The following MYO6 variants were observed in gnomAD, a reference collection of about 807,000 sequenced individuals.
The protein encoded by MYO6 is myosin VI.
A neutral mutation model predicts 178.7 loss-of-function variants in MYO6; 74 were observed. The observed-to-expected ratio is 0.41, with a 90% confidence interval of 0.34 to 0.50. The LOEUF is 0.50. Ranked by LOEUF, MYO6 falls within the 20% of genes least tolerant of loss-of-function variation. MYO6 has a pLI of 0.09. For missense variants in MYO6, 1,330 were observed against 1,547.4 expected (o/e 0.86, Z 2.36); for synonymous variants, 477 against 504.6 (o/e 0.95, Z 0.73).
At chr6:75,864,990 C>T (rs976778571) in intron 16 of MYO6, among the ~76,000 whole-genome samples, 2 of 152,262 alleles carry the variant, frequency 1.3e-5, no homozygotes, top group South Asian at 2.1e-4. Context: ...GCTGCAGAGC[C>T]GGCACTCTGA....
intron 1 of MYO6, among the ~76,000 whole-genome samples, chr6:75,761,139 A>C (rs1187063138): frequency 6.6e-6 from 1 of 152,224 alleles, no homozygotes; most frequent in Non-Finnish European, 1.5e-5. Context: ...AAGAACGAAG[A>C]AAATACTTTA....
At position 75,867,046 on chromosome 6, in the gene MYO6, A is replaced by AT; in HGVS notation, c.1885_1886insT (p.Lys629IlefsTer4). The AT allele has an allele frequency of 6.2e-7, 1 of 1,614,014 alleles. No individual in the cohort carries two copies. Among genetic ancestry groups the AT allele is most frequent in the Non-Finnish European group, 8.5e-7 (1 of 1,179,926 alleles). On this transcript the variant is annotated frameshift_variant, in exon 18 of 35. Coordinates refer to ENST00000369977, the MANE Select transcript of MYO6 (RefSeq NM_004999.4). LOFTEE classifies it high-confidence loss of function. ...ATTTGAATCATCCACAAATAACAAC[A>AT]AAGATACTAAACAAAAAGCAGGAAA...
At chr6:75,814,651 C>G (rs982611015) in intron 1 of MYO6, among the ~76,000 whole-genome samples, 2 of 152,018 alleles carry the variant, frequency 1.3e-5, no homozygotes, top group African/African-American at 4.8e-5. Flanking sequence ...TGCTTGAGCC[C>G]AGGAGTTCGA....
At chr6:75,877,632 TTTC>T (rs1777669055) in intron 20 of MYO6, among the ~76,000 whole-genome samples, 1 of 151,778 alleles carries the variant, frequency 6.6e-6, no homozygotes, top group South Asian at 2.1e-4. Flanking sequence ...GAAGGCAAGT[TTTC>T]TTCTTCTGTA....
At chr6:75,804,138 C>T (rs1486141108) in intron 1 of MYO6, among the ~76,000 whole-genome samples, 1 of 152,188 alleles carries the variant, frequency 6.6e-6, no homozygotes. Flanking sequence ...AAGTAATCCT[C>T]CTGCCTTGGG....
In MYO6 at chr6:75,776,653, A is replaced by AGTGTGTGTGTGTGT. The variant is rs35830759; in HGVS notation, c.-48+27247_-48+27260dup. Reference sequence around the variant, plus strand: ...CATTTTTAGTCTTGTAGAAACGTGCAGTGTGTGTGTGTGTGTGTGTGTGTG... The same window carrying AGTGTGTGTGTGTGT: ...CATTTTTAGTCTTGTAGAAACGTGCAGTGTGTGTGTGTGTGTGTGTGTGTGTGTGTGTGTGTGTG... On this transcript the variant is annotated intron_variant, in intron 1 of 34. Coordinates refer to ENST00000369977, the MANE Select transcript of MYO6 (RefSeq NM_004999.4). Among the ~76,000 whole-genome samples, 341 of 144,754 alleles carry AGTGTGTGTGTGTGT rather than the reference A, an allele frequency of 2.4e-3. 1 individual carries two copies. The highest frequency in any genetic ancestry group is 8.3e-3 in the African/African-American group (327 of 39,504). The allele number at this position is 144,754 out of a possible 152,430, so 95.0% of individuals were successfully genotyped here.
At chr6:75,787,109 C>T (rs1440727402) in intron 1 of MYO6, among the ~76,000 whole-genome samples, 1 of 152,104 alleles carries the variant, frequency 6.6e-6, no homozygotes, top group African/African-American at 2.4e-5. Flanking sequence ...TGTAAAGATG[C>T]CTATGCAATG....
intron 23 of MYO6, among the ~76,000 whole-genome samples, chr6:75,884,591 G>C (rs1283960613): frequency 6.6e-6 from 1 of 152,212 alleles, no homozygotes; most frequent in Admixed American, 6.5e-5. Flanking sequence ...AGAGTCGGCT[G>C]TACGGGACAC....
chr6:75,890,057 T>A lies in MYO6; in HGVS notation c.2659T>A (p.Ser887Thr), dbSNP rs1409939234. 4.4e-6 allele frequency: 7 copies of A among 1,606,648 alleles called. No individual in the cohort carries two copies. Among genetic ancestry groups the A allele is most frequent in the Non-Finnish European group, 6.0e-6 (7 of 1,173,942 alleles). The change falls in exon 26 of 35, where the codon TCC (serine) becomes ACC (threonine). Residue 887 changes from serine (S) to threonine (T), a missense_variant and splice_region_variant. By Grantham distance (58) the Ser-to-Thr change is moderately conservative. Coordinates refer to ENST00000369977, the MANE Select transcript of MYO6 (RefSeq NM_004999.4). ...SIDTLMAKIKSTMMTQEQIQK... is the reference protein window; with the variant it reads ...SIDTLMAKIKTTMMTQEQIQK... ...TACCTATTTATTTTATTTTTTAAAG[T>A]CCACTATGATGACGCAGGAACAAAT...
At chr6:75,886,200 A>C in intron 24 of MYO6, 106 bp downstream of exon 24, 1 of 723,498 alleles carries the variant, frequency 1.4e-6, no homozygotes, top group South Asian at 1.7e-5. Context: ...AGGTTTTCTC[A>C]TGTTCTTTGT....
chr6:75,875,710 C>T (rs1351006374), intron 20 of MYO6, among the ~76,000 whole-genome samples: 1 of 152,236 alleles, frequency 6.6e-6, no homozygotes, highest in African/African-American at 2.4e-5. Context: ...GTAGGCTCCC[C>T]AGTTCTGCTA....
At chr6:75,880,977 C>T (rs761634151) in intron 22 of MYO6, among the ~76,000 whole-genome samples, 3 of 152,188 alleles carry the variant, frequency 2.0e-5, no homozygotes, top group Non-Finnish European at 2.9e-5. Context: ...GGGGGTTGGG[C>T]GCTGTGGCTC....
intron 2 of MYO6, among the ~76,000 whole-genome samples, chr6:75,819,070 G>A (rs180793665): frequency 6.6e-6 from 1 of 152,282 alleles, no homozygotes; most frequent in East Asian, 1.9e-4. Flanking sequence ...CTTGATTTAA[G>A]TGGATATACT....
At chr6:75,817,480 G>C (rs555326321) in intron 1 of MYO6, 21 bp from the exon 2 acceptor site, 2 of 1,174,414 alleles carry the variant, frequency 1.7e-6, no homozygotes, top group East Asian at 2.3e-5. Flanking sequence ...TCATGTTGCT[G>C]TATTTGTTCC....
chr6:75,869,784 A>G, intron 18 of MYO6, among the ~76,000 whole-genome samples: 1 of 152,178 alleles, frequency 6.6e-6, no homozygotes, highest in East Asian at 1.9e-4. Context: ...AAAATTGTCC[A>G]AGCATTTAAA....
intron 1 of MYO6, among the ~76,000 whole-genome samples, chr6:75,764,001 C>T (rs1778176575): frequency 6.6e-6 from 1 of 152,114 alleles, no homozygotes; most frequent in African/African-American, 2.4e-5. Context: ...TTAATAGATC[C>T]AGTGGCCTCA....
At chr6:75,912,196 A>C (rs1582013174) in intron 33 of MYO6, among the ~76,000 whole-genome samples, 1 of 152,164 alleles carries the variant, frequency 6.6e-6, no homozygotes, top group South Asian at 2.1e-4. Context: ...TTACGTTTAT[A>C]GCCTCTTATG....
chr6:75,804,006 G>A (rs550029149), intron 1 of MYO6, among the ~76,000 whole-genome samples: 13 of 152,240 alleles, frequency 8.5e-5, no homozygotes, highest in South Asian at 4.1e-4. Flanking sequence ...CTATTCTTCC[G>A]CCTCAGCCTC....
At chr6:75,769,075 A>C (rs533619634) in intron 1 of MYO6, among the ~76,000 whole-genome samples, 2 of 152,298 alleles carry the variant, frequency 1.3e-5, no homozygotes, top group African/African-American at 4.8e-5. Flanking sequence ...GCACTCACTC[A>C]TTTGTGGGGG....
Sources: gnomAD v4.1 joint callset for allele counts (sites outside exome capture counted in the v4.1 genomes callset) on GRCh38, gnomAD v4.1.1 for gene constraint, MANE v1.5 for transcripts, NCBI Gene and HGNC (gene_info 2026-07-23, HGNC 2026-07-21) for gene names.